INTS7: variants seen among roughly 807,000 people sequenced by gnomAD.
INTS7 encodes the protein integrator complex subunit 7, also known as chromosome 1 open reading frame 73.
INTS7 carries 46 observed loss-of-function variants against 109.2 expected under a neutral mutation model. That is an observed-to-expected ratio of 0.42 (90% CI 0.33 to 0.54). The LOEUF (loss-of-function observed/expected upper bound fraction) is 0.54, where lower values mean the gene tolerates loss of function less well. INTS7 is among the 20% of genes least tolerant of loss of function. INTS7 has a pLI of 0.07. For synonymous variants in INTS7, 412 were observed against 402.9 expected (o/e 1.02, Z -0.27); for missense variants, 929 against 1,132.4 (o/e 0.82, Z 2.58).
At chr1:212,029,464 A>G (rs939273307) in intron 1 of INTS7, among the ~76,000 whole-genome samples, 1 of 152,168 alleles carries the variant, frequency 6.6e-6, no homozygotes, top group Non-Finnish European at 1.5e-5. Context: ...TTGCATCTCT[A>G]ACTTCTAAAT....
intron 7 of INTS7, among the ~76,000 whole-genome samples, chr1:211,996,551 C>T (rs933069806): frequency 6.6e-6 from 1 of 151,968 alleles, no homozygotes; most frequent in Non-Finnish European, 1.5e-5. Context: ...ATTCCACCAA[C>T]AAATATGGAA....
At chr1:212,011,480 A>G in intron 4 of INTS7, 59 bp from the exon 5 acceptor site, 1 of 1,081,782 alleles carries the variant, frequency 9.2e-7, no homozygotes, top group Non-Finnish European at 1.4e-6. Flanking sequence ...TTTTCTAAGG[A>G]CTTAAAAGAA....
chr1:211,987,899 G>T lies in INTS7; in HGVS notation c.984C>A (p.Phe328Leu). The change falls in exon 8 of 20, where the codon TTC (phenylalanine) becomes TTA (leucine). Residue 328 changes from phenylalanine (F) to leucine (L), a missense_variant. By Grantham distance (22) the Phe-to-Leu change is conservative. Transcript: ENST00000366994. The stretch of plus-strand genomic sequence containing the variant: ...TCTTTTCCTTACCTGGAACTATACT[G>T]AAGTAATGTTTGATGGCGATGGTCC... ...LSGTIAIKHYFSIVPGNVSSS... is the reference protein window; with the variant it reads ...LSGTIAIKHYLSIVPGNVSSS... 6.4e-7 allele frequency: 1 copy of T among 1,573,362 alleles called. No individual in the cohort carries two copies. The highest frequency in any genetic ancestry group is 8.7e-7 in the Non-Finnish European group (1 of 1,143,660).
At chr1:211,962,700 A>G (rs1307788013) in intron 16 of INTS7, among the ~76,000 whole-genome samples, 1 of 152,238 alleles carries the variant, frequency 6.6e-6, no homozygotes, top group Admixed American at 6.5e-5. Context: ...AGCACAATAA[A>G]ATTAGAAATC....
chr1:211,975,098 T>G, intron 13 of INTS7, 68 bp downstream of exon 13: 1 of 1,105,364 alleles, frequency 9.0e-7, no homozygotes, highest in Non-Finnish European at 1.4e-6. Context: ...AATAGGACAA[T>G]CCAAAAAGAG....
chr1:211,954,664 C>T (rs1008506628), intron 16 of INTS7, among the ~76,000 whole-genome samples: 4 of 152,160 alleles, frequency 2.6e-5, no homozygotes, highest in African/African-American at 9.6e-5. Context: ...ATCCTTTCCC[C>T]ATTGCTTGTT....
chr1:212,024,772 T>C (rs76472385), intron 1 of INTS7, among the ~76,000 whole-genome samples: 3,982 of 152,324 alleles, frequency 0.026, 59 homozygotes, highest in African/African-American at 0.046. Context: ...TAGTCTGCTA[T>C]TGTGAGTGAA....
At chr1:212,015,278 T>C (rs558655950) in intron 4 of INTS7, among the ~76,000 whole-genome samples, 8 of 152,132 alleles carry the variant, frequency 5.3e-5, no homozygotes, top group Middle Eastern at 6.8e-3. Flanking sequence ...GGGGGAAATG[T>C]GGGGAAAAGA....
intron 7 of INTS7, among the ~76,000 whole-genome samples, chr1:211,998,373 G>C (rs537038748): frequency 6.6e-6 from 1 of 152,282 alleles, no homozygotes; most frequent in South Asian, 2.1e-4. Context: ...TATTTGCACA[G>C]ACCAATAGAA....
chr1:212,008,640 A>C (rs1295579137), intron 5 of INTS7, among the ~76,000 whole-genome samples: 1 of 152,114 alleles, frequency 6.6e-6, no homozygotes, highest in Admixed American at 6.5e-5. Flanking sequence ...GGTCATCTGC[A>C]CTAGGAGGTC....
chr1:211,997,093 T>C (rs1665431317), intron 7 of INTS7, among the ~76,000 whole-genome samples: 1 of 151,750 alleles, frequency 6.6e-6, no homozygotes, highest in African/African-American at 2.4e-5. Flanking sequence ...TTGGGTACAG[T>C]GTATAGTGCT....
intron 7 of INTS7, among the ~76,000 whole-genome samples, chr1:212,004,171 T>G (rs1665800440): frequency 6.6e-6 from 1 of 152,002 alleles, no homozygotes; most frequent in Non-Finnish European, 1.5e-5. Context: ...ATGATGACGA[T>G]TCTCTACTAA....
intron 17 of INTS7, among the ~76,000 whole-genome samples, chr1:211,951,481 C>G (rs1663087717): frequency 6.6e-6 from 1 of 152,056 alleles, no homozygotes; most frequent in African/African-American, 2.4e-5. Flanking sequence ...CTAATTTTTG[C>G]ATTTTCAGTA....
In INTS7 at chr1:211,944,835, G is replaced by C; in HGVS notation, c.2550C>G (p.Val850=). The C allele has an allele frequency of 6.2e-7, 1 of 1,614,172 alleles. No individual in the cohort carries two copies. The highest frequency in any genetic ancestry group is 8.5e-7 in the Non-Finnish European group (1 of 1,180,004). Residue 850 remains valine, a synonymous_variant, in exon 19 of 20, where the codon GTC becomes GTG. Coordinates refer to ENST00000366994, the MANE Select transcript of INTS7 (RefSeq NM_015434.4). The part of the protein sequence containing the change: ...KPGLFRKIQS[V]CLNVSSTLQS... ...GCAGTGTGGAAGAAACATTCAGACA[G>C]ACAGACTGAATTTTGCGGAAGAGTC...
intron 3 of INTS7, among the ~76,000 whole-genome samples, chr1:212,018,583 C>T (rs1666548413): frequency 6.6e-6 from 1 of 150,958 alleles, no homozygotes; most frequent in South Asian, 2.1e-4. Context: ...TTGTAATCTA[C>T]AACCCAAAGA....
chr1:212,000,270 A>G (rs181511552), intron 7 of INTS7, among the ~76,000 whole-genome samples: 2 of 152,364 alleles, frequency 1.3e-5, no homozygotes, highest in Admixed American at 1.3e-4. Flanking sequence ...CAAATGACCA[A>G]AACTGATTCC....
At position 212,006,620 on chromosome 1, in the gene INTS7, T is replaced by C; in HGVS notation, c.879+19A>G. 1 of 1,347,486 alleles carries C rather than the reference T, an allele frequency of 7.4e-7. No homozygotes were observed. Among genetic ancestry groups the C allele is most frequent in the Non-Finnish European group, 1.0e-6 (1 of 985,698 alleles). 83.5% of individuals were successfully genotyped at this position (1,347,486 alleles called of 1,614,324 possible). A position where few individuals can be genotyped will look rare whatever the true frequency, so the allele number is the denominator to read the frequency against. ...GTTATATTATTTTTTCTATATAAAA[T>C]GTTACAAGTTCTACATACCTGAATA... On this transcript the variant is annotated intron_variant, in intron 7 of 19. Coordinates refer to ENST00000366994, the MANE Select transcript of INTS7 (RefSeq NM_015434.4).
At chr1:211,953,927 G>A (rs1663236076) in intron 16 of INTS7, among the ~76,000 whole-genome samples, 1 of 152,146 alleles carries the variant, frequency 6.6e-6, no homozygotes, top group African/African-American at 2.4e-5. Flanking sequence ...TAATGGGATG[G>A]CTGGGTCAAA....
chr1:211,995,329 C>T (rs745766962), intron 7 of INTS7, among the ~76,000 whole-genome samples: 3 of 152,142 alleles, frequency 2.0e-5, no homozygotes, highest in Non-Finnish European at 4.4e-5. Context: ...ACTTATGGTA[C>T]ACATTTTTAA....
Sources: allele counts gnomAD v4.1 joint callset (sites outside exome capture counted in the v4.1 genomes callset), GRCh38; gene constraint gnomAD v4.1.1; transcripts MANE v1.5; gene names NCBI Gene and HGNC (gene_info 2026-07-23, HGNC 2026-07-21).